Variants in TEKT3 observed in about 807,000 individuals in gnomAD.
TEKT3 encodes tektin-3.
Under a neutral mutation model 49.8 loss-of-function variants are expected in TEKT3, and 49 were observed. The ratio of observed to expected loss-of-function variants is 0.98; its 90% CI spans 0.78 to 1.25. The LOEUF (loss-of-function observed/expected upper bound fraction) is 1.25. Ranked by LOEUF, TEKT3 falls within the 50% of genes most tolerant of loss-of-function variation. The pLI, the probability that TEKT3 is intolerant of heterozygous loss-of-function variation, is 0.00. For synonymous variants in TEKT3, 225 were observed against 237.2 expected (o/e 0.95, Z 0.47); for missense variants, 595 against 629.5 (o/e 0.95, Z 0.59).
Position 15,321,893 on chromosome 17 carries a change from G to A in TEKT3, c.664-2746C>T, listed in dbSNP as rs115582633. Among the ~76,000 whole-genome samples, 992 of 152,290 alleles carry A rather than the reference G, an allele frequency of 6.5e-3. 10 individuals carry two copies. The highest frequency in any genetic ancestry group is 0.022 in the African/African-American group (912 of 41,546). The stretch of plus-strand genomic sequence containing the variant: ...CTGAAATGTTCATGAAGCATCTGTC[G>A]TTACAGTTCACCTCTTGGGAGGTGG... On this transcript the variant is annotated intron_variant, in intron 4 of 8. Transcript: ENST00000395930.
In TEKT3 at chr17:15,308,789, C is replaced by G; in HGVS notation, c.1131G>C (p.Met377Ile). 6.2e-7 allele frequency: 1 copy of G among 1,614,072 alleles called. No homozygotes were observed. Among genetic ancestry groups the G allele is most frequent in the Non-Finnish European group, 8.5e-7 (1 of 1,179,986 alleles). The change falls in exon 8 of 9, where the codon ATG (methionine) becomes ATC (isoleucine). Residue 377 changes from methionine (M) to isoleucine (I), a missense_variant. Transcript: ENST00000395930. Reference protein sequence around the residue: ...KTLQEIFQTEMTIESIKKAIK... With the variant: ...KTLQEIFQTEITIESIKKAIK... Reference sequence around the variant, plus strand: ...TGGCCTTCTTGATGGATTCTATGGTCATTTCAGTCTGGAAAATCTCCTGCA... The same window carrying G: ...TGGCCTTCTTGATGGATTCTATGGTGATTTCAGTCTGGAAAATCTCCTGCA...
intron 2 of TEKT3, among the ~76,000 whole-genome samples, chr17:15,333,080 A>G (rs1320180273): frequency 6.6e-6 from 1 of 151,730 alleles, no homozygotes; most frequent in African/African-American, 2.4e-5. Context: ...TAGAACATAC[A>G]GATCTACTTC....
chr17:15,341,555 GTGGGA>G lies in TEKT3; in HGVS notation c.-106_-102del, dbSNP rs1912231858. 1.3e-5 allele frequency: 2 copies of G among 152,486 alleles called. No individual in the cohort carries two copies. The highest frequency in any genetic ancestry group is 4.1e-4 in the South Asian group (2 of 4,838). The allele number at this position is 152,486 out of a possible 1,614,324, so 9.4% of individuals were successfully genotyped here. A position where few individuals can be genotyped will look rare whatever the true frequency, so the allele number is the denominator to read the frequency against. On this transcript the variant is annotated 5_prime_UTR_variant, in exon 1 of 9. Transcript: ENST00000395930. ...GCCCGGCGAGGGGCGGGAAGGGGCTGTGGGAGGAAGGGGTCGCAGCCTACCACCTG... is the reference window on the plus strand; with the variant it reads ...GCCCGGCGAGGGGCGGGAAGGGGCTGGGAAGGGGTCGCAGCCTACCACCTG...
intron 4 of TEKT3, among the ~76,000 whole-genome samples, chr17:15,325,613 T>C (rs1414569386): frequency 6.6e-6 from 1 of 152,136 alleles, no homozygotes; most frequent in Admixed American, 6.5e-5. Flanking sequence ...TAACATGTAG[T>C]CAGGTTTGAG....
At chr17:15,335,094 T>G (rs985400295) in intron 2 of TEKT3, among the ~76,000 whole-genome samples, 1 of 152,228 alleles carries the variant, frequency 6.6e-6, no homozygotes, top group Non-Finnish European at 1.5e-5. Context: ...GTCAAGGTAT[T>G]GTGCCTAAAG....
In TEKT3 at chr17:15,331,266, T is replaced by C. The variant is rs756072899; in HGVS notation, c.320A>G (p.Tyr107Cys). 65 of 1,614,220 alleles carry C rather than the reference T, an allele frequency of 4.0e-5. No individual in the cohort carries two copies. The highest frequency in any genetic ancestry group is 3.3e-4 in the East Asian group (15 of 44,878). The change falls in exon 3 of 9, where the codon TAT (tyrosine) becomes TGT (cysteine). Residue 107 changes from tyrosine to cysteine, a missense_variant. Physicochemically the swap from Tyr to Cys is radical, Grantham distance 194. Coordinates refer to ENST00000395930, the MANE Select transcript of TEKT3 (RefSeq NM_031898.3). ...DDWYRSNLTN[Y>C]QESNTSRHNS... ...ATGTCGGGAAGTGTTGGACTCTTGATAGTTGGTTAAATTGGACCTGTACCA... is the reference window on the plus strand; with the variant it reads ...ATGTCGGGAAGTGTTGGACTCTTGACAGTTGGTTAAATTGGACCTGTACCA...
At chr17:15,322,193 A>G (rs1911297251) in intron 4 of TEKT3, among the ~76,000 whole-genome samples, 1 of 152,170 alleles carries the variant, frequency 6.6e-6, no homozygotes, top group Non-Finnish European at 1.5e-5. Context: ...ATGAAGTGAA[A>G]TCGCACTTGT....
At chr17:15,336,173 C>T (rs1911973829) in intron 2 of TEKT3, among the ~76,000 whole-genome samples, 1 of 151,784 alleles carries the variant, frequency 6.6e-6, no homozygotes, top group East Asian at 1.9e-4. Context: ...CTCCAAGGCT[C>T]ATAATCAAAA....
rs150569709 is a variant in TEKT3, at chr17:15,324,896, C to T, written c.663+3096G>A. Among the ~76,000 whole-genome samples, 25 of 152,278 alleles carry T rather than the reference C, an allele frequency of 1.6e-4. No individual in the cohort carries two copies. The East Asian group carries it at 1.9e-3, about 12-fold the overall frequency. On this transcript the variant is annotated intron_variant, in intron 4 of 8. Coordinates refer to ENST00000395930, the MANE Select transcript of TEKT3 (RefSeq NM_031898.3). ...CCTATGTTCTTTTCTAAAAGTCTTA[C>T]AGTTTTAGCTCTTATGTATAGGTCT...
rs1217466551 is a variant in TEKT3, at chr17:15,304,456, CT to C, written c.1257-305del. ...TCTATAGTTTCACAGAAATTCACAACTGGAAAACGAATTTAGAGAGGTCACC... is the reference window on the plus strand; with the variant it reads ...TCTATAGTTTCACAGAAATTCACAACGGAAAACGAATTTAGAGAGGTCACC... On this transcript the variant is annotated intron_variant, in intron 8 of 8. Transcript: ENST00000395930. This position sits in a 1 kb window ranked among gnomAD's most constrained non-coding sequence, Gnocchi z 4.7. Among the ~76,000 whole-genome samples the C allele has an allele frequency of 6.6e-6, 1 of 152,160 alleles. No individual in the cohort carries two copies. Among genetic ancestry groups the C allele is most frequent in the African/African-American group, 2.4e-5 (1 of 41,430 alleles).
chr17:15,312,553 T>C, intron 6 of TEKT3, 72 bp from the exon 7 acceptor site: 1 of 1,390,798 alleles, frequency 7.2e-7, no homozygotes, highest in Non-Finnish European at 1.0e-6. Context: ...AGGCAATCAT[T>C]TATCCTGAGA....
At chr17:15,342,818 A>C (rs1912275035), upstream of TEKT3, among the ~76,000 whole-genome samples, 1 of 152,214 alleles carries the variant, frequency 6.6e-6, no homozygotes, top group South Asian at 2.1e-4. Context: ...ACACAAGACT[A>C]GACAAGGCTC....
At chr17:15,314,597 C>T (rs754360230) in intron 5 of TEKT3, among the ~76,000 whole-genome samples, 1 of 152,184 alleles carries the variant, frequency 6.6e-6, no homozygotes, top group Non-Finnish European at 1.5e-5. Context: ...CACATCTGTG[C>T]CTTCCATTCC....
Position 15,326,349 on chromosome 17 carries a change from C to T in TEKT3, c.663+1643G>A, listed in dbSNP as rs116913681. On this transcript the variant is annotated intron_variant, in intron 4 of 8. Transcript: ENST00000395930. ...GCAGCAGAAATTCTGTGAAATTAGA[C>T]AGGGAAATGAAGCTGAGAAATGAGG... 4.6e-5 allele frequency among the ~76,000 whole-genome samples: 7 copies of T among 152,216 alleles called. No individual in the cohort carries two copies. In the East Asian group the frequency reaches 1.4e-3, roughly 29 times the overall value.
chr17:15,324,445 CTGGAATGA>C (rs2150745277), intron 4 of TEKT3, among the ~76,000 whole-genome samples: 2 of 152,210 alleles, frequency 1.3e-5, no homozygotes, highest in South Asian at 4.1e-4. Context: ...TTCTTTTCTC[CTGGAATGA>C]TGCTTGGGAG....
Position 15,336,666 on chromosome 17 carries a change from G to A in TEKT3, c.-30+3362C>T, listed in dbSNP as rs200816036. Among the ~76,000 whole-genome samples, 11 of 152,096 alleles carry A rather than the reference G, an allele frequency of 7.2e-5. No individual in the cohort carries two copies. The East Asian group carries it at 2.1e-3, about 29-fold the overall frequency. On this transcript the variant is annotated intron_variant, in intron 2 of 8. Coordinates refer to ENST00000395930, the MANE Select transcript of TEKT3 (RefSeq NM_031898.3). ...TAAAATAGAAGTAAATTATATGGTA[G>A]CCATAGCACAAATGATAGGAGGGCT...
intron 2 of TEKT3, among the ~76,000 whole-genome samples, chr17:15,338,285 G>C (rs1405810529): frequency 6.6e-6 from 1 of 152,088 alleles, no homozygotes; most frequent in Non-Finnish European, 1.5e-5. Context: ...GATTAAAGAA[G>C]AGTTAGAAAA....
At chr17:15,323,849 G>T (rs1229490094) in intron 4 of TEKT3, among the ~76,000 whole-genome samples, 1 of 152,094 alleles carries the variant, frequency 6.6e-6, no homozygotes, top group Non-Finnish European at 1.5e-5. Flanking sequence ...TCAGGTTTTT[G>T]AGATAAAGGA....
chr17:15,322,767 C>G (rs1233918493), intron 4 of TEKT3, among the ~76,000 whole-genome samples: 1 of 152,204 alleles, frequency 6.6e-6, no homozygotes, highest in African/African-American at 2.4e-5. Context: ...CAAAGTCAAG[C>G]TGCAAGCCTG....
Sources: allele counts gnomAD v4.1 joint callset (sites outside exome capture counted in the v4.1 genomes callset), GRCh38; gene constraint gnomAD v4.1.1; non-coding constraint Gnocchi (gnomAD v3.1); transcripts MANE v1.5; gene names NCBI Gene and HGNC (gene_info 2026-07-23, HGNC 2026-07-21).